The following ATG4D variants were observed in gnomAD, a reference collection of about 807,000 sequenced individuals.
ATG4D encodes the protein cysteine protease ATG4D.
ATG4D carries 51 observed loss-of-function variants against 55.2 expected under a neutral mutation model. The ratio of observed to expected loss-of-function variants is 0.92; its 90% CI spans 0.74 to 1.17. The LOEUF is 1.17. Ranked by LOEUF, ATG4D falls within the 50% of genes most tolerant of loss-of-function variation. The pLI is 0.00. For missense variants in ATG4D, 635 were observed against 649.6 expected, an observed-to-expected ratio of 0.98 and a Z score of 0.25; for synonymous variants, 268 against 266.2, an observed-to-expected ratio of 1.01 and a Z score of -0.07.
chr19:10,551,745 T>C (rs1916245043), intron 6 of ATG4D, 152 bp from the exon 7 acceptor site: 1 of 635,290 alleles, frequency 1.6e-6, no homozygotes, highest in Non-Finnish European at 2.8e-6. Context: ...TCCTTGTTAG[T>C]CTCTCACACT....
At position 10,544,947 on chromosome 19, in the gene ATG4D, G is replaced by C. The variant is rs370125671; in HGVS notation, c.320-10G>C. 1.3e-6 allele frequency: 2 copies of C among 1,582,088 alleles called. No homozygotes were observed. Among genetic ancestry groups the C allele is most frequent in the East Asian group, 2.2e-5 (1 of 44,526 alleles). The stretch of plus-strand genomic sequence containing the variant: ...GTCCCTGGTGGCAGCTGACAGACCC[G>C]CTCTTGTAGGTGACATACAGCGTTT... On this transcript the variant is annotated splice_polypyrimidine_tract_variant and intron_variant, in intron 2 of 9. Coordinates refer to ENST00000309469, the MANE Select transcript of ATG4D (RefSeq NM_032885.6).
intron 5 of ATG4D, among the ~76,000 whole-genome samples, chr19:10,548,176 C>T (rs934333645): frequency 4.0e-5 from 6 of 151,096 alleles, no homozygotes; most frequent in Non-Finnish European, 7.4e-5. Flanking sequence ...ACTACAGGCG[C>T]GTGCCATCAC....
At position 10,552,970 on chromosome 19, in the gene ATG4D, T is replaced by G; in HGVS notation, c.1328T>G (p.Leu443Arg). Reference sequence around the variant, plus strand: ...GCTCAGGACCACAGCCTGGACGACCTCTGCTCCCAGCTCGCCCAGCCCACA... The same window carrying G: ...GCTCAGGACCACAGCCTGGACGACCGCTGCTCCCAGCTCGCCCAGCCCACA... ...GHAQDHSLDD[L>R]CSQLAQPTLR... The change falls in exon 10 of 10, where the codon CTC (leucine) becomes CGC (arginine). Residue 443 changes from leucine to arginine, a missense_variant. Coordinates refer to ENST00000309469, the MANE Select transcript of ATG4D (RefSeq NM_032885.6). 1.2e-6 allele frequency: 2 copies of G among 1,613,678 alleles called. No homozygotes were observed. Among genetic ancestry groups the G allele is most frequent in the African/African-American group, 1.3e-5 (1 of 75,062 alleles).
intron 3 of ATG4D, among the ~76,000 whole-genome samples, chr19:10,546,162 A>G (rs982367736): frequency 2.6e-5 from 4 of 151,884 alleles, no homozygotes; most frequent in Non-Finnish European, 4.4e-5. Flanking sequence ...TCTCTACAAA[A>G]AAATTTTAAA....
At chr19:10,550,394 G>C (rs1333188232) in intron 6 of ATG4D, among the ~76,000 whole-genome samples, 2 of 152,178 alleles carry the variant, frequency 1.3e-5, no homozygotes, top group Non-Finnish European at 2.9e-5. Flanking sequence ...GCAGCCACCA[G>C]GCAAATGAGG....
chr19:10,545,086 A>C lies in ATG4D; in HGVS notation c.449A>C (p.Gln150Pro). ...TGGGGGTGCATGTTACGCAGCGGCC[A>C]GATGATGCTGGCACAGGGCCTTCTG... ...CGWGCMLRSG[Q>P]MMLAQGLLLH... Residue 150 changes from glutamine (Q) to proline (P), a missense_variant, in exon 3 of 10, where the codon CAG becomes CCG. Transcript: ENST00000309469. 6.2e-7 allele frequency: 1 copy of C among 1,612,850 alleles called. No individual in the cohort carries two copies. Among genetic ancestry groups the C allele is most frequent in the Non-Finnish European group, 8.5e-7 (1 of 1,180,020 alleles).
At chr19:10,544,570 G>A (rs1441696275) in intron 1 of ATG4D, 5 of 1,091,262 alleles carry the variant, frequency 4.6e-6, no homozygotes, top group South Asian at 1.8e-5. Flanking sequence ...TCTGTAAAAT[G>A]GGTACAATAA....
At position 10,552,984 on chromosome 19, in the gene ATG4D, G is replaced by A. The variant is rs775975025; in HGVS notation, c.1342G>A (p.Ala448Thr). The A allele has an allele frequency of 4.3e-6, 7 of 1,613,260 alleles. No homozygotes were observed. The highest frequency in any genetic ancestry group is 1.6e-4 in the Middle Eastern group (1 of 6,084). ...CCTGGACGACCTCTGCTCCCAGCTC[G>A]CCCAGCCCACACTCCGGCTCCCTCG... ...HSLDDLCSQLAQPTLRLPRTG... is the reference protein window; with the variant it reads ...HSLDDLCSQLTQPTLRLPRTG... The change falls in exon 10 of 10, where the codon GCC becomes ACC. Residue 448 changes from alanine to threonine, a missense_variant. Physicochemically the swap from Ala to Thr is moderately conservative, Grantham distance 58. Coordinates refer to ENST00000309469, the MANE Select transcript of ATG4D (RefSeq NM_032885.6).
Position 10,552,197 on chromosome 19 carries a change from T to C in ATG4D, c.1123-8T>C, listed in dbSNP as rs1255373017. On this transcript the variant is annotated splice_polypyrimidine_tract_variant and splice_region_variant and intron_variant, in intron 8 of 9. Coordinates refer to ENST00000309469, the MANE Select transcript of ATG4D (RefSeq NM_032885.6). ...AGCCTCTGAGCCTTCCTCGTCTGTCTGCCCCAGTCCTTCCACTGCACCTCG... is the reference window on the plus strand; with the variant it reads ...AGCCTCTGAGCCTTCCTCGTCTGTCCGCCCCAGTCCTTCCACTGCACCTCG... 1.2e-6 allele frequency: 2 copies of C among 1,612,046 alleles called. No individual in the cohort carries two copies. The highest frequency in any genetic ancestry group is 1.1e-5 in the South Asian group (1 of 91,082).
rs1328299814 is a variant in ATG4D, at chr19:10,548,900, C to T, written c.836-4C>T. The T allele has an allele frequency of 6.2e-7, 1 of 1,613,614 alleles. No individual in the cohort carries two copies. Among genetic ancestry groups the T allele is most frequent in the Admixed American group, 1.7e-5 (1 of 59,970 alleles). ...GGTGACCTGCTGCTGTCCCGTCCCT[C>T]CAGTGTACAAGGCGGATGTGGCACG... On this transcript the variant is annotated splice_polypyrimidine_tract_variant and splice_region_variant and intron_variant, in intron 5 of 9. Transcript: ENST00000309469.
At chr19:10,546,294 A>G (rs1280077644) in intron 3 of ATG4D, among the ~76,000 whole-genome samples, 1 of 152,142 alleles carries the variant, frequency 6.6e-6, no homozygotes, top group Non-Finnish European at 1.5e-5. Context: ...ACTGCACTCC[A>G]GTCTGGATGA....
chr19:10,549,775 G>T (rs756567651), intron 6 of ATG4D, among the ~76,000 whole-genome samples: 4 of 151,978 alleles, frequency 2.6e-5, no homozygotes, highest in Non-Finnish European at 5.9e-5. Context: ...CCACTGTCCC[G>T]ACTGCTGGGG....
intron 7 of ATG4D, 32 bp from the exon 8 acceptor site, chr19:10,552,013 C>CGCACCCCCACTCACACCT (rs1568418042): frequency 3.4e-5 from 54 of 1,608,022 alleles, no homozygotes; most frequent in Non-Finnish European, 4.4e-5. Flanking sequence ...CACCCCCCAC[C>CGCACCCCCACTCACACCT]GCACCCCCAC....
Position 10,548,992 on chromosome 19 carries a change from G to C in ATG4D, c.924G>C (p.Leu308=). The C allele has an allele frequency of 6.2e-7, 1 of 1,614,122 alleles. No homozygotes were observed. The highest frequency in any genetic ancestry group is 8.5e-7 in the Non-Finnish European group (1 of 1,180,014). The change falls in exon 6 of 10, where the codon CTG becomes CTC. Residue 308 remains leucine, a synonymous_variant. Transcript: ENST00000309469. The stretch of plus-strand genomic sequence containing the variant: ...TGGTCATCCTGGTGCCCGTGCGACT[G>C]GGTGGCGAGACTCTCAACCCCGTGT... ...KSVVILVPVR[L]GGETLNPVYV... is the part of the protein sequence containing the mutation.
rs570712962 is a variant in ATG4D at position 10,552,747 on chromosome 19, T to G, written c.1243-138T>G. On this transcript the variant is annotated intron_variant, in intron 9 of 9. Transcript: ENST00000309469. ...ATGCTCATGGCTGAGCCAATCACTG[T>G]GGCCAGGGGATGGAAGGTGCTGATT... 3.6e-5 allele frequency: 33 copies of G among 909,120 alleles called. No individual in the cohort carries two copies. The African/African-American group carries it at 4.1e-4, about 11-fold the overall frequency. 56.3% of individuals were successfully genotyped at this position (909,120 alleles called of 1,614,324 possible).
intron 3 of ATG4D, among the ~76,000 whole-genome samples, 194 bp from the exon 4 acceptor site, chr19:10,546,645 C>T (rs796644633): frequency 1.1e-4 from 16 of 151,962 alleles, no homozygotes; most frequent in African/African-American, 3.4e-4. Flanking sequence ...TGAGCCACCG[C>T]GTCTGGCTGA....
intron 3 of ATG4D, among the ~76,000 whole-genome samples, 155 bp downstream of exon 3, chr19:10,545,285 G>C (rs764912270): frequency 2.0e-4 from 31 of 152,168 alleles, no homozygotes; most frequent in Non-Finnish European, 4.3e-4. Flanking sequence ...AAGAGTTTCA[G>C]CCGGGGTTGG....
In ATG4D at chr19:10,544,866, G is replaced by T. The variant is rs913661198; in HGVS notation, c.319G>T (p.Gly107Cys). The T allele has an allele frequency of 6.2e-7, 1 of 1,608,112 alleles. No individual in the cohort carries two copies. Among genetic ancestry groups the T allele is most frequent in the Non-Finnish European group, 8.5e-7 (1 of 1,176,580 alleles). Residue 107 changes from glycine (G) to cysteine (C), a missense_variant and splice_region_variant, in exon 2 of 10, where the codon GGT (glycine) becomes TGT (cysteine). Transcript: ENST00000309469. ...CCGCCGCTACCGTTTCGAGGGCGAG[G>T]GTGAGCTGGTGGTTGGGACCAGGGC... ...CGRRYRFEGE[G>C]DIQRFQRDFV...
chr19:10,551,883 C>T lies in ATG4D; in HGVS notation c.967-14C>T. ...TGGCTGCCTGACAGCACCTGCCTAC[C>T]CTCCTCCCTGCAGGAACTCCTGCGT... On this transcript the variant is annotated splice_polypyrimidine_tract_variant and intron_variant, in intron 6 of 9. Coordinates refer to ENST00000309469, the MANE Select transcript of ATG4D (RefSeq NM_032885.6). 3.1e-6 allele frequency: 5 copies of T among 1,613,562 alleles called. No individual in the cohort carries two copies. The highest frequency in any genetic ancestry group is 1.1e-5 in the South Asian group (1 of 90,962).
Sources: allele counts gnomAD v4.1 joint callset (sites outside exome capture counted in the v4.1 genomes callset), GRCh38; gene constraint gnomAD v4.1.1; transcripts MANE v1.5; gene names NCBI Gene and HGNC (gene_info 2026-07-23, HGNC 2026-07-21).